The following AGBL1 variants were observed in gnomAD, a reference collection of about 807,000 sequenced individuals.
The protein encoded by AGBL1 is cytosolic carboxypeptidase 4.
AGBL1 carries 130 observed loss-of-function variants against 118.9 expected under a neutral mutation model. The observed-to-expected ratio is 1.09, with a 90% CI of 0.95 to 1.26. The LOEUF (loss-of-function observed/expected upper bound fraction) is 1.26, where lower values mean the gene tolerates loss of function less well. AGBL1 is among the 50% of genes most tolerant of loss of function. The pLI, the probability that AGBL1 is intolerant of heterozygous loss-of-function variation, is 0.00. For synonymous variants in AGBL1, 555 were observed against 478.9 expected (o/e 1.16, Z -2.08); for missense variants, 1,584 against 1,298.1 (o/e 1.22, Z -3.38).
intron 22 of AGBL1, among the ~76,000 whole-genome samples, chr15:86,818,121 A>T (rs2078891301): frequency 6.6e-6 from 1 of 152,238 alleles, no homozygotes; most frequent in African/African-American, 2.4e-5. Flanking sequence ...ACACACACAC[A>T]CACACATGCG....
intron 22 of AGBL1, among the ~76,000 whole-genome samples, chr15:86,764,587 T>A (rs553685326): frequency 3.9e-5 from 6 of 152,066 alleles, no homozygotes; most frequent in Non-Finnish European, 7.4e-5. Flanking sequence ...TTTAAAGTTA[T>A]TTGTAGGGTA....
At chr15:86,563,887 A>G (rs1055434907) in intron 21 of AGBL1, among the ~76,000 whole-genome samples, 3 of 152,140 alleles carry the variant, frequency 2.0e-5, no homozygotes, top group African/African-American at 7.2e-5. Context: ...ATTATGTAAT[A>G]GCCTTCTTTG....
At chr15:86,969,079 CCTT>C (rs1247110966) in intron 23 of AGBL1, among the ~76,000 whole-genome samples, 6 of 152,038 alleles carry the variant, frequency 3.9e-5, no homozygotes, top group Non-Finnish European at 7.4e-5. Flanking sequence ...AAATTTATGT[CCTT>C]CTCATATGCA....
Position 86,615,792 on chromosome 15 carries a change from A to G in AGBL1, c.2995-58481A>G, listed in dbSNP as rs2142399637. 6.6e-6 allele frequency among the ~76,000 whole-genome samples: 1 copy of G among 152,320 alleles called. No homozygotes were observed. The highest frequency in any genetic ancestry group is 1.5e-5 in the Non-Finnish European group (1 of 68,032). ...AAATAGATTTAAAAGTCAACAACAT[A>G]TATAAAAGTTCTGGAAGCAGATGGA... is the stretch of plus-strand genomic sequence containing the variant. On this transcript the variant is annotated intron_variant, in intron 21 of 22. Coordinates refer to ENST00000614907, the MANE Select transcript of AGBL1 (RefSeq NM_001386094.1). This position sits in a 1 kb window ranked among gnomAD's most constrained non-coding sequence, Gnocchi z 4.3.
At chr15:86,803,695 T>G (rs2078680472) in intron 22 of AGBL1, among the ~76,000 whole-genome samples, 1 of 152,102 alleles carries the variant, frequency 6.6e-6, no homozygotes, top group Non-Finnish European at 1.5e-5. Context: ...AGGACAAAAT[T>G]CATCCTAAAA....
chr15:86,526,467 T>C (rs2083263077), intron 19 of AGBL1, among the ~76,000 whole-genome samples: 1 of 150,050 alleles, frequency 6.7e-6, no homozygotes, highest in Admixed American at 6.7e-5. Flanking sequence ...GGAATCAACC[T>C]AAGTCCCCAT....
At chr15:86,746,216 C>G (rs1374887417) in intron 22 of AGBL1, among the ~76,000 whole-genome samples, 8 of 152,144 alleles carry the variant, frequency 5.3e-5, no homozygotes, top group Non-Finnish European at 7.4e-5. Context: ...TTCCGCACAT[C>G]CTTCTTCACA....
At chr15:86,322,310 T>A (rs533570468) in intron 17 of AGBL1, among the ~76,000 whole-genome samples, 1 of 152,124 alleles carries the variant, frequency 6.6e-6, no homozygotes, top group East Asian at 1.9e-4. Context: ...AGTTTTTCTT[T>A]ACCTATTTTG....
chr15:86,739,865 C>T (rs1433453320), intron 22 of AGBL1, among the ~76,000 whole-genome samples: 2 of 152,106 alleles, frequency 1.3e-5, no homozygotes, highest in Admixed American at 6.6e-5. Context: ...AAAGACCCTC[C>T]CTCTCCAGAA....
At chr15:86,555,876 A>G (rs188746722) in intron 21 of AGBL1, among the ~76,000 whole-genome samples, 42 of 152,054 alleles carry the variant, frequency 2.8e-4, no homozygotes, top group Admixed American at 2.2e-3. Context: ...AAATCTGTTC[A>G]CTCCCTTGTC....
chr15:86,815,297 A>T (rs2078842837), intron 22 of AGBL1, among the ~76,000 whole-genome samples: 1 of 152,080 alleles, frequency 6.6e-6, no homozygotes, highest in Non-Finnish European at 1.5e-5. Context: ...ATTTAATGTA[A>T]ATAGGTTGCC....
At chr15:86,785,179 A>G (rs956009038) in intron 22 of AGBL1, among the ~76,000 whole-genome samples, 2 of 151,982 alleles carry the variant, frequency 1.3e-5, no homozygotes, top group Non-Finnish European at 2.9e-5. Flanking sequence ...GCACAGCTGT[A>G]GGGAGCACAT....
intron 22 of AGBL1, among the ~76,000 whole-genome samples, chr15:86,748,289 G>A (rs868320187): frequency 1.3e-5 from 2 of 152,138 alleles, no homozygotes; most frequent in African/African-American, 4.8e-5. Flanking sequence ...TTTGAGAAGT[G>A]TCTGTTCATA....
intron 19 of AGBL1, among the ~76,000 whole-genome samples, chr15:86,542,583 G>A (rs896776946): frequency 6.6e-6 from 1 of 152,042 alleles, no homozygotes; most frequent in African/African-American, 2.4e-5. Flanking sequence ...GGCCAGGCTG[G>A]TCTCGAACTC....
intron 21 of AGBL1, among the ~76,000 whole-genome samples, chr15:86,653,212 C>A (rs1361620406): frequency 6.6e-6 from 1 of 152,034 alleles, no homozygotes; most frequent in African/African-American, 2.4e-5. Context: ...GATCCTGATA[C>A]ACAAATAAGA....
At chr15:86,748,896 T>C (rs1473446798) in intron 22 of AGBL1, among the ~76,000 whole-genome samples, 2 of 152,122 alleles carry the variant, frequency 1.3e-5, no homozygotes, top group East Asian at 1.9e-4. Flanking sequence ...AGTTCCATGC[T>C]CTTTTGGTTA....
intron 22 of AGBL1, among the ~76,000 whole-genome samples, chr15:86,729,274 T>C (rs1276905241): frequency 6.6e-6 from 1 of 152,212 alleles, no homozygotes; most frequent in Non-Finnish European, 1.5e-5. Context: ...CTTCGCTTTT[T>C]CTTTGTTTCT....
chr15:86,317,507 G>A (rs908527251), intron 17 of AGBL1, among the ~76,000 whole-genome samples: 2 of 152,156 alleles, frequency 1.3e-5, no homozygotes, highest in Admixed American at 1.3e-4. Flanking sequence ...CAGTATGAAT[G>A]ATGAATCGGC....
chr15:86,962,770 T>C (rs1200920922), intron 23 of AGBL1, among the ~76,000 whole-genome samples: 1 of 152,104 alleles, frequency 6.6e-6, no homozygotes, highest in Non-Finnish European at 1.5e-5. Flanking sequence ...AGCATCACTG[T>C]GGATCTTGTT....
Sources: allele counts gnomAD v4.1 joint callset (sites outside exome capture counted in the v4.1 genomes callset), GRCh38; gene constraint gnomAD v4.1.1; non-coding constraint Gnocchi (gnomAD v3.1); transcripts MANE v1.5; gene names NCBI Gene and HGNC (gene_info 2026-07-23, HGNC 2026-07-21).